The following LRRC4C variants were observed in gnomAD, a reference collection of about 807,000 sequenced individuals.
LRRC4C encodes leucine rich repeat containing 4C.
In LRRC4C, 5 loss-of-function variants were observed where a neutral mutation model predicts 33.6. The ratio of observed to expected loss-of-function variants is 0.15; its 90% CI spans 0.08 to 0.31. The LOEUF (loss-of-function observed/expected upper bound fraction) is 0.31. LRRC4C is among the 10% of genes least tolerant of loss of function. The probability of loss-of-function intolerance (pLI) is 1.00; values close to 1 mark genes in which losing one functional copy is unlikely to be tolerated. For missense variants in LRRC4C, 560 were observed against 796.7 expected, an observed-to-expected ratio of 0.70 and a Z score of 3.58; for synonymous variants, 329 against 302.0, an observed-to-expected ratio of 1.09 and a Z score of -0.93.
intron 1 of LRRC4C, among the ~76,000 whole-genome samples, chr11:41,124,166 A>G (rs1462374307): frequency 6.6e-6 from 1 of 152,190 alleles, no homozygotes; most frequent in Non-Finnish European, 1.5e-5. Flanking sequence ...ACATTCAGAG[A>G]GTGCTTGAAC....
At chr11:40,199,895 T>A (rs916430463) in intron 5 of LRRC4C, among the ~76,000 whole-genome samples, 3 of 152,154 alleles carry the variant, frequency 2.0e-5, no homozygotes, top group African/African-American at 7.2e-5. Context: ...GTAGGTGTTA[T>A]GTTCCACGAG....
chr11:40,757,016 C>A (rs1211183474), intron 2 of LRRC4C, among the ~76,000 whole-genome samples: 1 of 151,956 alleles, frequency 6.6e-6, no homozygotes, highest in African/African-American at 2.4e-5. Flanking sequence ...ATGAAACAAG[C>A]AAATTTCATA....
chr11:41,302,226 C>T (rs1263641092), intron 1 of LRRC4C, among the ~76,000 whole-genome samples: 2 of 152,146 alleles, frequency 1.3e-5, no homozygotes, highest in Admixed American at 1.3e-4. Flanking sequence ...AATTGACTAT[C>T]ACCTCAAATA....
chr11:40,299,651 GT>G (rs1353670266), intron 4 of LRRC4C, among the ~76,000 whole-genome samples: 1 of 152,206 alleles, frequency 6.6e-6, no homozygotes, highest in East Asian at 1.9e-4. Context: ...TGAAGAACTA[GT>G]TATTTTAACA....
chr11:40,313,450 A>C lies in LRRC4C; in HGVS notation c.-176+6178T>G, dbSNP rs560570446. Among the ~76,000 whole-genome samples, 144 of 152,124 alleles carry C rather than the reference A, an allele frequency of 9.5e-4. 4 individuals carry two copies. Among genetic ancestry groups the C allele is most frequent in the African/African-American group, 3.2e-3 (133 of 41,398 alleles). ...TGGAGGAAGGGCCATCTGTTCAATA[A>C]ATGGTGCTAGGTAAACTGGATATCC... On this transcript the variant is annotated intron_variant, in intron 4 of 6. Coordinates refer to ENST00000528697, the MANE Select transcript of LRRC4C (RefSeq NM_001258419.2).
chr11:41,030,901 T>G (rs956849532), intron 1 of LRRC4C, among the ~76,000 whole-genome samples: 2 of 151,848 alleles, frequency 1.3e-5, no homozygotes, highest in African/African-American at 4.8e-5. Flanking sequence ...GCTATTAGGT[T>G]TAAAACCACT....
At chr11:40,153,918 A>G (rs929832349) in intron 5 of LRRC4C, among the ~76,000 whole-genome samples, 1 of 152,222 alleles carries the variant, frequency 6.6e-6, no homozygotes, top group Admixed American at 6.5e-5. Context: ...ATCCAAATAC[A>G]AGAAGCACAA....
intron 2 of LRRC4C, among the ~76,000 whole-genome samples, chr11:40,901,980 ATCTCTCTC>A (rs140194267): frequency 6.5e-5 from 8 of 122,484 alleles, no homozygotes; most frequent in Non-Finnish European, 1.1e-4. Flanking sequence ...AGAAAAGACA[ATCTCTCTC>A]TCTCTCTCTC....
intron 3 of LRRC4C, among the ~76,000 whole-genome samples, chr11:40,462,491 A>G (rs867899942): frequency 6.6e-6 from 1 of 151,354 alleles, no homozygotes; most frequent in Non-Finnish European, 1.5e-5. Flanking sequence ...CAAATTAAAC[A>G]AAACTTCATT....
intron 3 of LRRC4C, among the ~76,000 whole-genome samples, chr11:40,464,553 A>C (rs2138219839): frequency 6.6e-6 from 1 of 152,128 alleles, no homozygotes; most frequent in South Asian, 2.1e-4. Flanking sequence ...TTTGCTGGTG[A>C]TATGATCTTA....
intron 1 of LRRC4C, among the ~76,000 whole-genome samples, chr11:41,392,863 A>G (rs1257611663): frequency 6.6e-6 from 1 of 151,870 alleles, no homozygotes; most frequent in Non-Finnish European, 1.5e-5. Context: ...TGAGAGAGCA[A>G]AAGCAAGAAC....
intron 2 of LRRC4C, among the ~76,000 whole-genome samples, chr11:40,909,398 A>G (rs1332093409): frequency 6.6e-6 from 1 of 152,154 alleles, no homozygotes; most frequent in Non-Finnish European, 1.5e-5. Flanking sequence ...ATACATTGAA[A>G]AGAATGAAAA....
In LRRC4C at chr11:40,483,151, C is replaced by G. The variant is rs1227806968; in HGVS notation, c.-269-163430G>C. Among the ~76,000 whole-genome samples the G allele has an allele frequency of 2.0e-5, 3 of 152,128 alleles. No individual in the cohort carries two copies. In the East Asian group the frequency reaches 5.8e-4, roughly 29 times the overall value. On this transcript the variant is annotated intron_variant, in intron 3 of 6. Transcript: ENST00000528697. ...ATGTAGTCAAGGAAGTGACGCATCT[C>G]TGGCTGGGATTAGGGCATGAAAGCT... is the stretch of plus-strand genomic sequence containing the variant.
chr11:41,265,344 A>G (rs1949115127), intron 1 of LRRC4C, among the ~76,000 whole-genome samples: 1 of 152,136 alleles, frequency 6.6e-6, no homozygotes, highest in Non-Finnish European at 1.5e-5. Flanking sequence ...CTTAAAAGAC[A>G]CTATAGCAGA....
chr11:40,814,175 G>C (rs1468562110), intron 2 of LRRC4C, among the ~76,000 whole-genome samples: 1 of 152,178 alleles, frequency 6.6e-6, no homozygotes, highest in East Asian at 1.9e-4. Context: ...CTCCACTCCT[G>C]CAGCAAGTTG....
chr11:40,447,122 A>G (rs2138033353), intron 3 of LRRC4C: 1 of 178,166 alleles, frequency 5.6e-6, no homozygotes, highest in Non-Finnish European at 1.3e-5. Flanking sequence ...CTCCCAGGTG[A>G]AGTCAACAGC....
intron 2 of LRRC4C, among the ~76,000 whole-genome samples, chr11:40,819,632 C>A (rs928937034): frequency 6.6e-6 from 1 of 152,080 alleles, no homozygotes; most frequent in African/African-American, 2.4e-5. Flanking sequence ...TCTAAGCTAG[C>A]CGCATAGTCC....
At chr11:41,158,198 T>C (rs995072722) in intron 1 of LRRC4C, among the ~76,000 whole-genome samples, 5 of 152,122 alleles carry the variant, frequency 3.3e-5, no homozygotes, top group African/African-American at 1.2e-4. Flanking sequence ...CAATTATCAA[T>C]TTGCTAAAGT....
chr11:40,247,617 T>C (rs1866452333), intron 4 of LRRC4C, among the ~76,000 whole-genome samples: 1 of 151,992 alleles, frequency 6.6e-6, no homozygotes, highest in Admixed American at 6.6e-5. Flanking sequence ...TCCAGGTCAT[T>C]GCACTGTCAA....
Sources: gnomAD v4.1 joint callset for allele counts (sites outside exome capture counted in the v4.1 genomes callset) on GRCh38, gnomAD v4.1.1 for gene constraint, MANE v1.5 for transcripts, NCBI Gene and HGNC (gene_info 2026-07-23, HGNC 2026-07-21) for gene names.